Variants in GRID1 observed in about 807,000 individuals in gnomAD.
The protein encoded by GRID1 is glutamate receptor ionotropic, delta-1.
A neutral mutation model predicts 98.0 loss-of-function variants in GRID1; 28 were observed. That is an observed-to-expected ratio of 0.29 (90% confidence interval 0.21 to 0.39). The LOEUF is 0.39. Among genes scored for constraint, GRID1 ranks in the 10% least tolerant of loss-of-function variants. The pLI is 1.00. For missense variants in GRID1, 1,111 were observed against 1,340.5 expected (o/e 0.83, Z 2.67); for synonymous variants, 553 against 538.5 (o/e 1.03, Z -0.37).
At chr10:86,268,218 C>T (rs1414795637) in intron 2 of GRID1, among the ~76,000 whole-genome samples, 2 of 152,334 alleles carry the variant, frequency 1.3e-5, no homozygotes, top group East Asian at 1.9e-4. Context: ...TGCTCCCCAA[C>T]TCCTCAGAGC....
chr10:85,958,969 A>AAAAAAAG (rs1554842510), intron 4 of GRID1, among the ~76,000 whole-genome samples: 2 of 151,062 alleles, frequency 1.3e-5, no homozygotes, highest in African/African-American at 4.9e-5. Flanking sequence ...AAAAAAAAAA[A>AAAAAAAG]AAAGAAAGAA....
intron 4 of GRID1, among the ~76,000 whole-genome samples, chr10:85,934,091 C>T (rs1239097440): frequency 4.6e-5 from 7 of 152,162 alleles, no homozygotes; most frequent in African/African-American, 1.7e-4. Flanking sequence ...TTGGGCTCCA[C>T]TGTGGGGTTA....
At position 85,599,802 on chromosome 10, in the gene GRID1, A is replaced by AAAAAAATATATATATATATATATATAT; in HGVS notation, c.*2470_*2471insATATATATATATATATATATATTTTTT. On this transcript the variant is annotated 3_prime_UTR_variant, in exon 16 of 16. Coordinates refer to ENST00000327946, the MANE Select transcript of GRID1 (RefSeq NM_017551.3). ...GTAGAAAATTCTAAAAAAAAAAAAA[A>AAAAAAATATATATATATATATATATAT]ATATATATATATATATATAAACATG... The AAAAAAATATATATATATATATATATAT allele has an allele frequency of 1.1e-4, 7 of 64,960 alleles. No individual in the cohort carries two copies. Among genetic ancestry groups the AAAAAAATATATATATATATATATATAT allele is most frequent in the Non-Finnish European group, 1.8e-4 (7 of 38,768 alleles). The allele number at this position is 64,960 out of a possible 1,614,324, so 4.0% of individuals were successfully genotyped here.
intron 5 of GRID1, among the ~76,000 whole-genome samples, chr10:85,895,016 A>AATATAT (rs67350023): frequency 0.056 from 5,393 of 96,620 alleles, 216 homozygotes; most frequent in Non-Finnish European, 0.083. Context: ...AAAAAAAAAA[A>AATATAT]ATATATATAT....
intron 2 of GRID1, among the ~76,000 whole-genome samples, chr10:86,325,067 G>T (rs562605188): frequency 1.2e-3 from 179 of 152,008 alleles, no homozygotes; most frequent in Non-Finnish European, 1.9e-3. Flanking sequence ...AATAGATAAG[G>T]CAAAATTAAC....
intron 4 of GRID1, among the ~76,000 whole-genome samples, chr10:86,082,482 C>T (rs374013033): frequency 1.3e-5 from 2 of 152,146 alleles, no homozygotes; most frequent in African/African-American, 4.8e-5. Context: ...TTCCCCTGCA[C>T]CCTGTCCTCA....
At chr10:86,249,219 TC>T (rs1388953507) in intron 2 of GRID1, among the ~76,000 whole-genome samples, 2 of 152,124 alleles carry the variant, frequency 1.3e-5, no homozygotes, top group African/African-American at 4.8e-5. Flanking sequence ...GGATGGGGGA[TC>T]CCAGGATGCC....
At chr10:86,053,601 G>A (rs1328534569) in intron 4 of GRID1, among the ~76,000 whole-genome samples, 4 of 152,048 alleles carry the variant, frequency 2.6e-5, no homozygotes, top group East Asian at 3.9e-4. Context: ...AGATCCGCCC[G>A]CCTCGGCCTC....
Position 85,602,109 on chromosome 10 carries a change from C to A in GRID1, c.*164G>T, listed in dbSNP as rs1343123341. 8.2e-6 allele frequency: 4 copies of A among 488,128 alleles called. No homozygotes were observed. Among genetic ancestry groups the A allele is most frequent in the Non-Finnish European group, 1.4e-5 (4 of 279,904 alleles). The allele number at this position is 488,128 out of a possible 1,614,324, so 30.2% of individuals were successfully genotyped here. ...GAATATTCAAAATACACTTTTACCC[C>A]ACTCCATTCTGTCATTATTTACACA... On this transcript the variant is annotated 3_prime_UTR_variant, in exon 16 of 16. Coordinates refer to ENST00000327946, the MANE Select transcript of GRID1 (RefSeq NM_017551.3).
rs938473328 is a variant in GRID1, at chr10:85,892,205, TAAAAAAAAAACA to T, written c.781-23037_781-23026del. Among the ~76,000 whole-genome samples, 54 of 83,416 alleles carry T rather than the reference TAAAAAAAAAACA, an allele frequency of 6.5e-4. No homozygotes were observed. In the Middle Eastern group the frequency reaches 0.031, roughly 48 times the overall value. 54.7% of individuals were successfully genotyped at this position (83,416 alleles called of 152,430 possible). A position where few individuals can be genotyped will look rare whatever the true frequency, so the allele number is the denominator to read the frequency against. ...AACTACTCAAAATGAATCATGGAGA[TAAAAAAAAAACA>T]AAAAAAAAAACAGGAAAAAGATCAA... On this transcript the variant is annotated intron_variant, in intron 5 of 15. Coordinates refer to ENST00000327946, the MANE Select transcript of GRID1 (RefSeq NM_017551.3).
intron 3 of GRID1, among the ~76,000 whole-genome samples, chr10:86,154,055 A>C (rs1845208932): frequency 6.6e-6 from 1 of 152,196 alleles, no homozygotes; most frequent in South Asian, 2.1e-4. Context: ...GAAATGCCAG[A>C]GTTGCTCTTG....
intron 4 of GRID1, among the ~76,000 whole-genome samples, chr10:86,039,546 G>A (rs1393290185): frequency 6.6e-6 from 1 of 152,176 alleles, no homozygotes. Flanking sequence ...CTTGGGAAGA[G>A]AAAGGTTTTA....
chr10:85,682,154 GC>G (rs1465730622), intron 12 of GRID1, among the ~76,000 whole-genome samples: 1 of 152,310 alleles, frequency 6.6e-6, no homozygotes, highest in East Asian at 1.9e-4. Context: ...AAGGCAACAC[GC>G]TGATATGAGA....
intron 2 of GRID1, among the ~76,000 whole-genome samples, chr10:86,331,219 A>G (rs1429737709): frequency 2.0e-5 from 3 of 152,188 alleles, no homozygotes. Flanking sequence ...CCAGCCGCCC[A>G]GAGTATCATG....
chr10:86,206,277 G>T lies in GRID1; in HGVS notation c.520+87C>A. The T allele has an allele frequency of 2.2e-6, 3 of 1,362,814 alleles. No homozygotes were observed. Among genetic ancestry groups the T allele is most frequent in the Non-Finnish European group, 3.0e-6 (3 of 993,136 alleles). 84.4% of individuals were successfully genotyped at this position (1,362,814 alleles called of 1,614,324 possible). On this transcript the variant is annotated intron_variant, in intron 3 of 15. Transcript: ENST00000327946. This position sits in a 1 kb window ranked among gnomAD's most constrained non-coding sequence, Gnocchi z 4.1. ...ACTCAGCACAGACCACCCCTGACCG[G>T]TCCAGGGCCCCACCCACTCTCAGGT...
At chr10:85,881,060 T>C (rs1446607779) in intron 5 of GRID1, among the ~76,000 whole-genome samples, 1 of 152,094 alleles carries the variant, frequency 6.6e-6, no homozygotes, top group African/African-American at 2.4e-5. Context: ...GGAATCCAAC[T>C]TACAAGGGAC....
intron 12 of GRID1, among the ~76,000 whole-genome samples, chr10:85,683,844 T>C (rs1242581963): frequency 6.6e-6 from 1 of 152,188 alleles, no homozygotes; most frequent in Non-Finnish European, 1.5e-5. Flanking sequence ...CAGATAATAA[T>C]AGACAATGAA....
At chr10:86,325,121 A>T (rs748627293) in intron 2 of GRID1, among the ~76,000 whole-genome samples, 2 of 152,250 alleles carry the variant, frequency 1.3e-5, no homozygotes, top group Non-Finnish European at 2.9e-5. Context: ...CTTAAAGATG[A>T]TTTTAACATT....
intron 2 of GRID1, among the ~76,000 whole-genome samples, chr10:86,244,966 C>T (rs1846699540): frequency 6.6e-6 from 1 of 152,196 alleles, no homozygotes; most frequent in African/African-American, 2.4e-5. Flanking sequence ...TTTAAACACC[C>T]CAAATTAAAA....
Sources: allele counts gnomAD v4.1 joint callset (sites outside exome capture counted in the v4.1 genomes callset), GRCh38; gene constraint gnomAD v4.1.1; non-coding constraint Gnocchi (gnomAD v3.1); transcripts MANE v1.5; gene names NCBI Gene and HGNC (gene_info 2026-07-23, HGNC 2026-07-21).